The following SORBS2 variants were observed in gnomAD, a reference collection of about 807,000 sequenced individuals.
SORBS2 encodes the protein sorbin and SH3 domain-containing protein 2.
In SORBS2, 46 loss-of-function variants were observed where a neutral mutation model predicts 97.7. The ratio of observed to expected loss-of-function variants is 0.47; its 90% CI spans 0.37 to 0.60. SORBS2 has a LOEUF of 0.60. Ranked by LOEUF, SORBS2 falls within the 20% of genes least tolerant of loss-of-function variation. The pLI is 0.00. For missense variants in SORBS2, 1,316 were observed against 1,282.3 expected (o/e 1.03, Z -0.40); for synonymous variants, 476 against 473.4 (o/e 1.01, Z -0.07).
At chr4:185,897,516 T>A (rs759022028) in intron 1 of SORBS2, among the ~76,000 whole-genome samples, 1 of 152,220 alleles carries the variant, frequency 6.6e-6, no homozygotes, top group Admixed American at 6.5e-5. Context: ...AAGGCTCCTA[T>A]GTACACATTA....
chr4:185,602,595 T>C (rs56204152), intron 12 of SORBS2, among the ~76,000 whole-genome samples: 3,136 of 152,324 alleles, frequency 0.021, 105 homozygotes, highest in African/African-American at 0.073. Flanking sequence ...AAAATGTTAT[T>C]ACAATGATTT....
chr4:185,652,447 T>C (rs1381781382), intron 2 of SORBS2, among the ~76,000 whole-genome samples: 1 of 151,972 alleles, frequency 6.6e-6, no homozygotes, highest in African/African-American at 2.4e-5. Context: ...TTGTCCTCCA[T>C]GGGGAGGCTT....
At chr4:185,738,781 T>C (rs1390722269) in intron 2 of SORBS2, among the ~76,000 whole-genome samples, 1 of 152,256 alleles carries the variant, frequency 6.6e-6, no homozygotes, top group African/African-American at 2.4e-5. Flanking sequence ...TGAATTCTTT[T>C]TGTGACTCTC....
intron 1 of SORBS2, among the ~76,000 whole-genome samples, chr4:185,810,431 A>G (rs2099175305): frequency 6.6e-6 from 1 of 152,250 alleles, no homozygotes; most frequent in African/African-American, 2.4e-5. Flanking sequence ...AAATAAAAAT[A>G]TACTTCTTAG....
chr4:185,620,380 A>G (rs1199206164), intron 7 of SORBS2, among the ~76,000 whole-genome samples: 2 of 152,198 alleles, frequency 1.3e-5, no homozygotes, highest in Admixed American at 6.5e-5. Context: ...ATAATTGTCT[A>G]TATAAATATG....
chr4:185,777,722 C>T (rs144810608), intron 1 of SORBS2, among the ~76,000 whole-genome samples: 4 of 151,936 alleles, frequency 2.6e-5, no homozygotes, highest in Admixed American at 6.5e-5. Flanking sequence ...GAGCTCAATG[C>T]GGCTAGTCAG....
chr4:185,679,938 G>A, intron 2 of SORBS2, among the ~76,000 whole-genome samples: 1 of 152,162 alleles, frequency 6.6e-6, no homozygotes, highest in East Asian at 1.9e-4. Context: ...CAAATCAAAG[G>A]AAGGAACACA....
At chr4:185,815,675 A>G (rs1374110647) in intron 1 of SORBS2, among the ~76,000 whole-genome samples, 2 of 152,310 alleles carry the variant, frequency 1.3e-5, no homozygotes, top group East Asian at 3.9e-4. Context: ...AGAGAGAGAG[A>G]GAGCTATCTA....
At chr4:185,841,369 T>C (rs2099211418) in intron 1 of SORBS2, among the ~76,000 whole-genome samples, 1 of 152,086 alleles carries the variant, frequency 6.6e-6, no homozygotes, top group Non-Finnish European at 1.5e-5. Context: ...AGGGAAATGT[T>C]GGGTAAAATC....
At chr4:185,647,680 C>G (rs2097235643) in intron 3 of SORBS2, among the ~76,000 whole-genome samples, 1 of 152,160 alleles carries the variant, frequency 6.6e-6, no homozygotes, top group South Asian at 2.1e-4. Flanking sequence ...GGGACAAGCC[C>G]TAGCTTTCTA....
chr4:185,806,460 TTTTTTTTTTTTTTTTG>T (rs1380424192), intron 1 of SORBS2, among the ~76,000 whole-genome samples: 4 of 91,560 alleles, frequency 4.4e-5, no homozygotes, highest in African/African-American at 1.4e-4. Flanking sequence ...TTTTTTTTTT[TTTTTTTTTTTTTTTTG>T]AGACGGAGTC....
intron 6 of SORBS2, among the ~76,000 whole-genome samples, chr4:185,626,386 A>G (rs532913708): frequency 2.6e-5 from 4 of 152,354 alleles, no homozygotes; most frequent in African/African-American, 9.6e-5. Flanking sequence ...CTAGAATTGA[A>G]TAATTTTTTA....
At chr4:185,895,721 A>G (rs1291116845) in intron 1 of SORBS2, among the ~76,000 whole-genome samples, 1 of 152,252 alleles carries the variant, frequency 6.6e-6, no homozygotes, top group Non-Finnish European at 1.5e-5. Context: ...TTGCCTCAAC[A>G]ATAAGAAACT....
At position 185,637,576 on chromosome 4, in the gene SORBS2, A is replaced by G. The variant is rs561481273; in HGVS notation, c.397-6978T>C. 2.2e-4 allele frequency among the ~76,000 whole-genome samples: 34 copies of G among 152,222 alleles called. No individual in the cohort carries two copies. In the South Asian group the frequency reaches 2.5e-3, roughly 11 times the overall value. Reference sequence around the variant, plus strand: ...CGTTTAACTTCTTACTCTGCCATTTACTATTTTGTGCACATTACTTAACCC... The same window carrying G: ...CGTTTAACTTCTTACTCTGCCATTTGCTATTTTGTGCACATTACTTAACCC... On this transcript the variant is annotated intron_variant, in intron 4 of 14. Coordinates refer to ENST00000418609, the Ensembl canonical transcript of SORBS2.
exon 3 of SORBS2, chr4:185,649,477 A>C: frequency 6.3e-7 from 1 of 1,584,722 alleles, no homozygotes; most frequent in Admixed American, 1.8e-5. Context: ...TTTTCTGTTG[A>C]AGACCGATCT....
intron 1 of SORBS2, among the ~76,000 whole-genome samples, chr4:185,935,467 C>T (rs2099268481): frequency 6.6e-6 from 1 of 152,098 alleles, no homozygotes; most frequent in Admixed American, 6.5e-5. Flanking sequence ...TAATGGCAAA[C>T]ACAAAAATGT....
At chr4:185,790,174 T>A (rs555023779) in intron 1 of SORBS2, among the ~76,000 whole-genome samples, 179 of 152,204 alleles carry the variant, frequency 1.2e-3, no homozygotes, top group Non-Finnish European at 2.0e-3. Context: ...GAGAAGACAG[T>A]CATCTGCGCA....
chr4:185,622,826 G>C (rs935200791), intron 7 of SORBS2, 88 bp downstream of exon 19: 2 of 1,340,126 alleles, frequency 1.5e-6, no homozygotes, highest in Non-Finnish European at 2.0e-6. Context: ...CTCCCAGCTC[G>C]GGAGTGATGA....
Position 185,607,049 on chromosome 4 carries a change from C to T in SORBS2, c.2796+4731G>A, listed in dbSNP as rs1249988378. On this transcript the variant is annotated intron_variant, in intron 12 of 14. Coordinates refer to ENST00000418609, the Ensembl canonical transcript of SORBS2. The surrounding 1 kb of genome is among the most constrained non-coding windows in gnomAD (Gnocchi z 5.2). ...ACACCCGCGTGAGTGGAAGGTGATT[C>T]GGCAGGTGCAGTCGCTGGGGACAAT... 40 of 1,025,286 alleles carry T rather than the reference C, an allele frequency of 3.9e-5. No homozygotes were observed. The highest frequency in any genetic ancestry group is 1.1e-4 in the East Asian group (1 of 9,336). 63.5% of individuals were successfully genotyped at this position (1,025,286 alleles called of 1,614,324 possible). A position where few individuals can be genotyped will look rare whatever the true frequency, so the allele number is the denominator to read the frequency against.
Sources: allele counts gnomAD v4.1 joint callset (sites outside exome capture counted in the v4.1 genomes callset), GRCh38; gene constraint gnomAD v4.1.1; non-coding constraint Gnocchi (gnomAD v3.1); transcripts MANE v1.5; gene names NCBI Gene and HGNC (gene_info 2026-07-23, HGNC 2026-07-21).